TLL2: variants seen among roughly 807,000 people sequenced by gnomAD.
TLL2 encodes tolloid like 2.
TLL2 carries 106 observed loss-of-function variants against 123.0 expected under a neutral mutation model. The ratio of observed to expected loss-of-function variants is 0.86; its 90% CI spans 0.74 to 1.01. The LOEUF (loss-of-function observed/expected upper bound fraction) is 1.01. TLL2 is among the 50% of genes least tolerant of loss of function. TLL2 has a pLI of 0.00. For synonymous variants in TLL2, 494 were observed against 516.8 expected, an observed-to-expected ratio of 0.96 and a Z score of 0.60; for missense variants, 1,332 against 1,336.7, an observed-to-expected ratio of 1.00 and a Z score of 0.06.
rs371773534 is a variant in TLL2, at chr10:96,458,413, G to A, written c.287-12245C>T. ...ACCAGCCTACCCAACATGGAGAAAC[G>A]CTGTCTCTGCTAAAAATACAAAAAT... On this transcript the variant is annotated intron_variant, in intron 2 of 20. Transcript: ENST00000357947. Among the ~76,000 whole-genome samples the A allele has an allele frequency of 5.3e-5, 8 of 151,812 alleles. No individual in the cohort carries two copies. The South Asian group carries it at 1.5e-3, about 28-fold the overall frequency.
chr10:96,384,540 A>C (rs1007405087), intron 16 of TLL2, 47 bp downstream of exon 16: 38 of 1,485,024 alleles, frequency 2.6e-5, no homozygotes, highest in Non-Finnish European at 3.3e-5. Flanking sequence ...GAGTCTGCAA[A>C]GCCGCCTCAC....
intron 15 of TLL2, 98 bp from the exon 16 acceptor site, chr10:96,384,865 C>A (rs1255663767): frequency 1.6e-6 from 2 of 1,220,894 alleles, no homozygotes; most frequent in South Asian, 1.9e-5. Context: ...CTCACCCTAC[C>A]GTGTGTGGCG....
chr10:96,400,414 C>T (rs1370273876), intron 10 of TLL2, among the ~76,000 whole-genome samples: 15 of 146,552 alleles, frequency 1.0e-4, no homozygotes, highest in Non-Finnish European at 2.2e-4. Flanking sequence ...CAGTTCTGAA[C>T]ATTGTACAAT....
intron 10 of TLL2, among the ~76,000 whole-genome samples, chr10:96,404,814 A>T (rs981574120): frequency 6.6e-6 from 1 of 152,180 alleles, no homozygotes; most frequent in African/African-American, 2.4e-5. Context: ...TGTGTGTAAC[A>T]GTGTACCATG....
chr10:96,465,382 A>G (rs1409257851), intron 2 of TLL2, among the ~76,000 whole-genome samples: 1 of 152,202 alleles, frequency 6.6e-6, no homozygotes, highest in Non-Finnish European at 1.5e-5. Flanking sequence ...TGATGCTAGC[A>G]CATGTGCAGG....
At chr10:96,397,653 G>T (rs1846354752) in intron 10 of TLL2, among the ~76,000 whole-genome samples, 1 of 152,180 alleles carries the variant, frequency 6.6e-6, no homozygotes, top group Non-Finnish European at 1.5e-5. Context: ...TCCTTTCCTG[G>T]TGTTTCCTGT....
chr10:96,485,747 T>A (rs148221609), intron 1 of TLL2, among the ~76,000 whole-genome samples: 69 of 152,318 alleles, frequency 4.5e-4, no homozygotes, highest in Admixed American at 1.0e-3. Context: ...CTGACTGTCA[T>A]CTAGAACTCC....
At chr10:96,448,089 G>C (rs1225374527) in intron 2 of TLL2, among the ~76,000 whole-genome samples, 1 of 152,170 alleles carries the variant, frequency 6.6e-6, no homozygotes, top group Non-Finnish European at 1.5e-5. Context: ...CATGACCTGG[G>C]CAGTGGCTGC....
chr10:96,492,016 C>A (rs896287283), intron 1 of TLL2, among the ~76,000 whole-genome samples: 10 of 152,080 alleles, frequency 6.6e-5, no homozygotes, highest in Non-Finnish European at 1.5e-4. Flanking sequence ...CTGAGCCTTG[C>A]AGGGCAAGGC....
At position 96,395,504 on chromosome 10, in the gene TLL2, G is replaced by A. The variant is rs1038334760; in HGVS notation, c.1531-122C>T. On this transcript the variant is annotated intron_variant, in intron 12 of 20. Coordinates refer to ENST00000357947, the MANE Select transcript of TLL2 (RefSeq NM_012465.4). ...CCAAGAGGCCAAAGGACCCAAGTGTGTCCCAGGTCTCTCCATGCTGCTTCC... is the reference window on the plus strand; with the variant it reads ...CCAAGAGGCCAAAGGACCCAAGTGTATCCCAGGTCTCTCCATGCTGCTTCC... 8.2e-6 allele frequency: 8 copies of A among 973,752 alleles called. No individual in the cohort carries two copies. In the African/African-American group the frequency reaches 1.1e-4, roughly 14 times the overall value. 60.3% of individuals were successfully genotyped at this position (973,752 alleles called of 1,614,324 possible).
At position 96,475,899 on chromosome 10, in the gene TLL2, C is replaced by T. The variant is rs571177739; in HGVS notation, c.286+4450G>A. 2.1e-3 allele frequency among the ~76,000 whole-genome samples: 313 copies of T among 152,176 alleles called. 2 individuals are homozygous for T. Among genetic ancestry groups the T allele is most frequent in the African/African-American group, 5.0e-3 (206 of 41,518 alleles). ...AGTAAGTGGGTCTCACGAGATCTGA[C>T]GGGTTTAAAAATGGGAGTTTCCCTG... is the stretch of plus-strand genomic sequence containing the variant. On this transcript the variant is annotated intron_variant, in intron 2 of 20. Coordinates refer to ENST00000357947, the MANE Select transcript of TLL2 (RefSeq NM_012465.4).
At chr10:96,500,077 TTGAGACCAGCC>T (rs1847518461) in intron 1 of TLL2, among the ~76,000 whole-genome samples, 1 of 145,926 alleles carries the variant, frequency 6.9e-6, no homozygotes. Context: ...GCCCAGGAGT[TTGAGACCAGCC>T]TGGCCAACAT....
chr10:96,513,633 G>GGCAGCA lies in TLL2; in HGVS notation c.47_52dup (p.Leu16_Leu17dup), dbSNP rs757616576. The GGCAGCA allele has an allele frequency of 8.8e-6, 14 of 1,596,504 alleles. No individual in the cohort carries two copies. In the East Asian group the frequency reaches 2.7e-4, roughly 31 times the overall value. On this transcript the variant is annotated inframe_insertion, in exon 1 of 21. Transcript: ENST00000357947. ...GAGTCCCCCGGCGCCGCGAGGCAGC[G>GGCAGCA]GCAGCAGCAGCAGCAGTGACACCAG...
intron 2 of TLL2, among the ~76,000 whole-genome samples, chr10:96,460,491 G>C (rs755087343): frequency 2.9e-4 from 44 of 152,142 alleles, no homozygotes; most frequent in Non-Finnish European, 2.1e-4. Context: ...TGTAATGTCC[G>C]GTGTTGGAGG....
chr10:96,398,872 T>A (rs112398296), intron 10 of TLL2, among the ~76,000 whole-genome samples: 16,252 of 144,102 alleles, frequency 0.11, 1,127 homozygotes, highest in South Asian at 0.2. Context: ...AATATTCTTT[T>A]TTTTTTTTTT....
intron 3 of TLL2, among the ~76,000 whole-genome samples, chr10:96,436,684 C>T (rs770111432): frequency 5.9e-5 from 9 of 151,582 alleles, no homozygotes; most frequent in African/African-American, 2.2e-4. Context: ...ATAAATATTG[C>T]TATACCTTTT....
Position 96,372,841 on chromosome 10 carries a change from G to A in TLL2, c.2662+755C>T, listed in dbSNP as rs549559058. Among the ~76,000 whole-genome samples the A allele has an allele frequency of 2.2e-4, 34 of 152,120 alleles. 1 individual carries two copies. In the South Asian group the frequency reaches 4.4e-3, roughly 20 times the overall value. On this transcript the variant is annotated intron_variant, in intron 19 of 20. Coordinates refer to ENST00000357947, the MANE Select transcript of TLL2 (RefSeq NM_012465.4). ...AGGGTAGCTGGGACCACCACGCCTCGCTATGTTTTCTAGTTTTTATTTTGT... is the reference window on the plus strand; with the variant it reads ...AGGGTAGCTGGGACCACCACGCCTCACTATGTTTTCTAGTTTTTATTTTGT...
chr10:96,453,870 G>T (rs1846984561), intron 2 of TLL2, among the ~76,000 whole-genome samples: 3 of 151,952 alleles, frequency 2.0e-5, no homozygotes, highest in Admixed American at 1.3e-4. Context: ...GTGACTCTGG[G>T]GTGAATTTTA....
In TLL2 at chr10:96,370,237, G is replaced by T. The variant is rs749501321; in HGVS notation, c.2741C>A (p.Pro914Gln). 4.3e-6 allele frequency: 7 copies of T among 1,613,484 alleles called. No individual in the cohort carries two copies. Among genetic ancestry groups the T allele is most frequent in the Non-Finnish European group, 5.9e-6 (7 of 1,179,652 alleles). The change falls in exon 20 of 21, where the codon CCG becomes CAG. Residue 914 changes from proline (P) to glutamine (Q), a missense_variant. Physicochemically the swap from Pro to Gln is moderately conservative, Grantham distance 76. Coordinates refer to ENST00000357947, the MANE Select transcript of TLL2 (RefSeq NM_012465.4). ...CACCCAGTCACAGCGGGCCTCGCTC[G>T]GGTAGTTGTTGTCCCCAAACTGGGC... is the stretch of plus-strand genomic sequence containing the variant. ...SHAQFGDNNY[P>Q]SEARCDWVIV... is the part of the protein sequence containing the mutation.
Sources: allele counts gnomAD v4.1 joint callset (sites outside exome capture counted in the v4.1 genomes callset), GRCh38; gene constraint gnomAD v4.1.1; transcripts MANE v1.5; gene names NCBI Gene and HGNC (gene_info 2026-07-23, HGNC 2026-07-21).